The following GAP43 variants were observed in gnomAD, a reference collection of about 807,000 sequenced individuals.
The protein encoded by GAP43 is neuromodulin.
In GAP43, 6 loss-of-function variants were observed where a neutral mutation model predicts 18.6. The observed-to-expected ratio is 0.32, with a 90% CI of 0.18 to 0.64. The LOEUF is 0.64. GAP43 is among the 30% of genes least tolerant of loss of function. The pLI is 0.78. For synonymous variants in GAP43, 115 were observed against 111.4 expected (o/e 1.03, Z -0.20); for missense variants, 292 against 295.5 (o/e 0.99, Z 0.09).
Position 115,694,224 on chromosome 3 carries a change from C to G in GAP43, c.628+17614C>G, listed in dbSNP as rs137916468. Among the ~76,000 whole-genome samples, 5 of 152,296 alleles carry G rather than the reference C, an allele frequency of 3.3e-5. No individual in the cohort carries two copies. In the East Asian group the frequency reaches 7.7e-4, roughly 24 times the overall value. Reference sequence around the variant, plus strand: ...ATCGAAGCATAGCTTGTTTTTCCAGCTCCACCCCGAAGCCATCTATCTGGA... The same window carrying G: ...ATCGAAGCATAGCTTGTTTTTCCAGGTCCACCCCGAAGCCATCTATCTGGA... On this transcript the variant is annotated intron_variant, in intron 2 of 2. Transcript: ENST00000305124.
intron 1 of GAP43, among the ~76,000 whole-genome samples, chr3:115,638,504 C>T (rs1005979727): frequency 6.1e-5 from 9 of 148,440 alleles, no homozygotes; most frequent in African/African-American, 2.2e-4. Flanking sequence ...CTCTCTAACA[C>T]ATCACACTTT....
intron 1 of GAP43, among the ~76,000 whole-genome samples, chr3:115,659,799 CCTCT>C (rs577408297): frequency 1.3e-5 from 2 of 152,116 alleles, no homozygotes; most frequent in East Asian, 3.9e-4. Flanking sequence ...TAGAACCTTC[CCTCT>C]CTGTTTTCTG....
At chr3:115,636,226 C>T (rs939412292) in intron 1 of GAP43, among the ~76,000 whole-genome samples, 4 of 152,092 alleles carry the variant, frequency 2.6e-5, no homozygotes, top group African/African-American at 9.7e-5. Flanking sequence ...GCAAATTAGA[C>T]TTTCTACTCC....
At chr3:115,684,363 T>A (rs1709007625) in intron 2 of GAP43, among the ~76,000 whole-genome samples, 1 of 152,118 alleles carries the variant, frequency 6.6e-6, no homozygotes, top group South Asian at 2.1e-4. Flanking sequence ...GAGATGAACA[T>A]TTCTATAGCC....
At chr3:115,701,074 A>G (rs990557567) in intron 2 of GAP43, among the ~76,000 whole-genome samples, 5 of 152,080 alleles carry the variant, frequency 3.3e-5, no homozygotes, top group African/African-American at 7.2e-5. Flanking sequence ...GTGTCAGATA[A>G]TTTGTTGGGG....
intron 2 of GAP43, among the ~76,000 whole-genome samples, chr3:115,690,783 T>C (rs1207391379): frequency 7.5e-6 from 1 of 133,536 alleles, no homozygotes; most frequent in African/African-American, 2.9e-5. Context: ...TGAGACGGAG[T>C]CTCCCTCTGT....
intron 2 of GAP43, among the ~76,000 whole-genome samples, chr3:115,684,765 A>G (rs564548851): frequency 1.3e-4 from 20 of 152,344 alleles, no homozygotes; most frequent in Non-Finnish European, 2.6e-4. Context: ...TGAAATTTAT[A>G]GTGCCTAAGA....
At chr3:115,632,060 A>G (rs1442250082) in intron 1 of GAP43, among the ~76,000 whole-genome samples, 1 of 152,170 alleles carries the variant, frequency 6.6e-6, no homozygotes, top group Non-Finnish European at 1.5e-5. Flanking sequence ...CATTAGAAAT[A>G]CCCACTGTTT....
At chr3:115,702,459 A>G (rs1356250598) in intron 2 of GAP43, among the ~76,000 whole-genome samples, 1 of 152,128 alleles carries the variant, frequency 6.6e-6, no homozygotes, top group Non-Finnish European at 1.5e-5. Context: ...AAGCTAGAAA[A>G]CAGCAGAAAT....
At chr3:115,647,023 C>T (rs1292156305) in intron 1 of GAP43, among the ~76,000 whole-genome samples, 9 of 152,092 alleles carry the variant, frequency 5.9e-5, no homozygotes, top group Admixed American at 1.3e-4. Context: ...GTTCCCCTCA[C>T]ATTTCCTCTG....
In GAP43 at chr3:115,636,414, A is replaced by C. The variant is rs545720334; in HGVS notation, c.30+12695A>C. Among the ~76,000 whole-genome samples the C allele has an allele frequency of 1.3e-3, 201 of 152,264 alleles. 1 individual carries two copies. Among genetic ancestry groups the C allele is most frequent in the Middle Eastern group, 6.8e-3 (2 of 294 alleles). ...CTTCTGCCAGTCTTTCTTAACCAGC[A>C]TTCCAGAAGAGAGCCAAACCCAACC... On this transcript the variant is annotated intron_variant, in intron 1 of 2. Transcript: ENST00000305124.
At chr3:115,711,028 G>T (rs566983036) in intron 2 of GAP43, among the ~76,000 whole-genome samples, 4 of 152,158 alleles carry the variant, frequency 2.6e-5, no homozygotes, top group Non-Finnish European at 5.9e-5. Context: ...ACTGGGCTGT[G>T]AGTCAGGAGT....
At chr3:115,718,004 TG>T (rs1709533205) in intron 2 of GAP43, among the ~76,000 whole-genome samples, 4 of 152,208 alleles carry the variant, frequency 2.6e-5, no homozygotes, top group African/African-American at 9.6e-5. Flanking sequence ...TTCAAGTTTC[TG>T]TTTCTGCATT....
At chr3:115,666,323 T>TA (rs1708732380) in intron 1 of GAP43, among the ~76,000 whole-genome samples, 2 of 152,168 alleles carry the variant, frequency 1.3e-5, no homozygotes, top group African/African-American at 4.8e-5. Context: ...TGAGAATAGA[T>TA]ATAGCTCAGT....
chr3:115,679,051 G>A (rs1708926716), intron 2 of GAP43, among the ~76,000 whole-genome samples: 1 of 151,822 alleles, frequency 6.6e-6, no homozygotes, highest in Non-Finnish European at 1.5e-5. Context: ...GCCTTCCACT[G>A]TATTTCATTT....
intron 2 of GAP43, among the ~76,000 whole-genome samples, chr3:115,703,140 G>A (rs1057412114): frequency 6.6e-6 from 1 of 152,050 alleles, no homozygotes; most frequent in African/African-American, 2.4e-5. Flanking sequence ...TTAGGATTGG[G>A]AATATGTATA....
chr3:115,697,519 CTG>C (rs1277128773), intron 2 of GAP43, among the ~76,000 whole-genome samples: 1 of 152,200 alleles, frequency 6.6e-6, no homozygotes, highest in Non-Finnish European at 1.5e-5. Context: ...TGGGTTGTGT[CTG>C]TGGCATCAGG....
At chr3:115,674,170 G>C (rs1561381) in intron 1 of GAP43, among the ~76,000 whole-genome samples, 68,406 of 152,030 alleles carry the variant, frequency 0.45, 15,865 homozygotes, top group Admixed American at 0.55. Flanking sequence ...AGATTGAGAA[G>C]AGGCGCCGAA....
At chr3:115,649,960 C>G (rs563735804) in intron 1 of GAP43, among the ~76,000 whole-genome samples, 1 of 152,092 alleles carries the variant, frequency 6.6e-6, no homozygotes, top group African/African-American at 2.4e-5. Context: ...GGGGAGTTTA[C>G]TAACTGACAG....
Sources: gnomAD v4.1 joint callset for allele counts (sites outside exome capture counted in the v4.1 genomes callset) on GRCh38, gnomAD v4.1.1 for gene constraint, MANE v1.5 for transcripts, NCBI Gene and HGNC (gene_info 2026-07-23, HGNC 2026-07-21) for gene names.